The following KALRN variants were observed in gnomAD, a reference collection of about 807,000 sequenced individuals.
KALRN encodes the protein kalirin.
In KALRN, 70 loss-of-function variants were observed where a neutral mutation model predicts 353.7. That is an observed-to-expected ratio of 0.20 (90% CI 0.16 to 0.24). The LOEUF is 0.24. Among genes scored for constraint, KALRN ranks in the 10% least tolerant of loss-of-function variants. KALRN has a pLI of 1.00. For synonymous variants in KALRN, 1,391 were observed against 1,434.8 expected (o/e 0.97, Z 0.69); for missense variants, 2,791 against 3,756.7 (o/e 0.74, Z 6.72).
chr3:124,566,133 G>A (rs1348715195), intron 34 of KALRN, among the ~76,000 whole-genome samples: 1 of 152,130 alleles, frequency 6.6e-6, no homozygotes, highest in South Asian at 2.1e-4. Flanking sequence ...CTTTCAAATG[G>A]CATCCTGTGA....
chr3:124,148,607 G>A (rs1224316400), intron 1 of KALRN, among the ~76,000 whole-genome samples: 1 of 152,130 alleles, frequency 6.6e-6, no homozygotes, highest in Non-Finnish European at 1.5e-5. Flanking sequence ...TCTGACTATA[G>A]GTGACATGTT....
chr3:124,191,183 G>A (rs758884460), intron 1 of KALRN, among the ~76,000 whole-genome samples: 2 of 152,218 alleles, frequency 1.3e-5, no homozygotes, highest in Non-Finnish European at 2.9e-5. Context: ...ACCTCCACAT[G>A]TTCCACTGTC....
chr3:124,474,833 A>AGG, intron 26 of KALRN, 101 bp downstream of exon 26: 1 of 925,424 alleles, frequency 1.1e-6, no homozygotes, highest in Non-Finnish European at 1.8e-6. Flanking sequence ...ACACAAGACC[A>AGG]GGGGCTACTG....
intron 1 of KALRN, among the ~76,000 whole-genome samples, chr3:124,134,413 A>G (rs2065679892): frequency 6.6e-6 from 1 of 152,238 alleles, no homozygotes; most frequent in Admixed American, 6.5e-5. Flanking sequence ...ACCTGAAACT[A>G]TAAAAATTCT....
At chr3:124,151,885 C>G in intron 1 of KALRN, 2 of 555,412 alleles carry the variant, frequency 3.6e-6, no homozygotes, top group Non-Finnish European at 6.3e-6. Flanking sequence ...GTTATTATTA[C>G]TATTTTGTAT....
intron 5 of KALRN, among the ~76,000 whole-genome samples, chr3:124,286,634 GTGA>G (rs2075938725): frequency 6.6e-6 from 1 of 152,142 alleles, no homozygotes; most frequent in African/African-American, 2.4e-5. Flanking sequence ...CACTCATCCA[GTGA>G]ATTCTTAAGT....
intron 53 of KALRN, among the ~76,000 whole-genome samples, chr3:124,695,615 G>GTGAA (rs763618066): frequency 2.3e-4 from 35 of 152,128 alleles, no homozygotes; most frequent in Middle Eastern, 3.2e-3. Flanking sequence ...TTGTATTGGG[G>GTGAA]TGAATGGGGA....
chr3:124,219,703 A>G (rs1181418895), intron 1 of KALRN, among the ~76,000 whole-genome samples: 1 of 152,094 alleles, frequency 6.6e-6, no homozygotes, highest in Non-Finnish European at 1.5e-5. Context: ...CTGCCACCTA[A>G]GGAGGGGGAT....
chr3:124,404,903 G>A (rs367746850), intron 13 of KALRN, among the ~76,000 whole-genome samples: 1 of 151,910 alleles, frequency 6.6e-6, no homozygotes, highest in African/African-American at 2.4e-5. Flanking sequence ...AAAACCATTC[G>A]AGACTGCAAG....
chr3:124,358,908 T>A (rs1264390202), intron 10 of KALRN, among the ~76,000 whole-genome samples: 1 of 152,132 alleles, frequency 6.6e-6, no homozygotes, highest in African/African-American at 2.4e-5. Context: ...GTCTCTTGAT[T>A]CAAAAGAACC....
chr3:124,717,481 T>C (rs2063191957), intron 59 of KALRN, 96 bp downstream of exon 59: 4 of 742,240 alleles, frequency 5.4e-6, no homozygotes, highest in Middle Eastern at 7.7e-4. Context: ...GGTCAGGAGA[T>C]CGAGACCATC....
intron 6 of KALRN, among the ~76,000 whole-genome samples, chr3:124,324,133 AC>A (rs570829661): frequency 6.7e-4 from 102 of 152,284 alleles, no homozygotes; most frequent in African/African-American, 2.3e-3. Flanking sequence ...TAGGGATTGA[AC>A]CCCAGTTGCT....
intron 33 of KALRN, among the ~76,000 whole-genome samples, chr3:124,520,618 T>A (rs529046619): frequency 7.4e-4 from 113 of 152,186 alleles, no homozygotes; most frequent in African/African-American, 2.6e-3. Flanking sequence ...CAGTCCCTGG[T>A]GCCAGAAAGG....
rs1227264969 is a variant in KALRN, at chr3:124,667,190, G to A, written c.6703+7G>A. On this transcript the variant is annotated splice_region_variant and intron_variant, in intron 47 of 59. Coordinates refer to ENST00000682506, the MANE Select transcript of KALRN (RefSeq NM_001388419.1). ...CAGCGAGACTTTTTGAATGGTGGGT[G>A]CTGGGCTTGGTTCCTTGCAGGGCTG... 1 of 1,612,348 alleles carries A rather than the reference G, an allele frequency of 6.2e-7. No homozygotes were observed. Among genetic ancestry groups the A allele is most frequent in the South Asian group, 1.1e-5 (1 of 90,852 alleles).
intron 36 of KALRN, among the ~76,000 whole-genome samples, chr3:124,636,485 T>C (rs192044518): frequency 1.3e-5 from 2 of 152,312 alleles, no homozygotes; most frequent in East Asian, 3.9e-4. Context: ...GTCGTCTCTC[T>C]TTACTATGAA....
intron 1 of KALRN, chr3:124,152,577 C>A (rs201230391): frequency 3.6e-6 from 2 of 561,178 alleles, no homozygotes; most frequent in Non-Finnish European, 6.0e-6. Context: ...CTTTTCTTTT[C>A]TTTCTTTCTT....
chr3:124,206,138 T>A (rs1319497558), intron 1 of KALRN, among the ~76,000 whole-genome samples: 1 of 152,206 alleles, frequency 6.6e-6, no homozygotes, highest in African/African-American at 2.4e-5. Flanking sequence ...CCAGTAAGTA[T>A]CAGAGATCAC....
At chr3:124,269,819 C>T (rs183874290) in intron 5 of KALRN, among the ~76,000 whole-genome samples, 14 of 152,288 alleles carry the variant, frequency 9.2e-5, no homozygotes, top group Admixed American at 3.3e-4. Flanking sequence ...TGCAGGGAAA[C>T]GGATGTTCTT....
chr3:124,104,301 A>T, intron 1 of KALRN, among the ~76,000 whole-genome samples: 1 of 152,340 alleles, frequency 6.6e-6, no homozygotes, highest in East Asian at 1.9e-4. Flanking sequence ...AATGCTAAAG[A>T]AGACAGTCTT....
Sources: gnomAD v4.1 joint callset for allele counts (sites outside exome capture counted in the v4.1 genomes callset) on GRCh38, gnomAD v4.1.1 for gene constraint, MANE v1.5 for transcripts, NCBI Gene and HGNC (gene_info 2026-07-23, HGNC 2026-07-21) for gene names.